Variants in KRT13 observed in about 807,000 individuals in gnomAD.
The protein encoded by KRT13 is keratin 13, also known as keratin, type I cytoskeletal 13.
KRT13 carries 27 observed loss-of-function variants against 40.6 expected under a neutral mutation model. That is an observed-to-expected ratio of 0.67 (90% CI 0.49 to 0.92). KRT13 has a LOEUF of 0.92. Among genes scored for constraint, KRT13 ranks in the 40% least tolerant of loss-of-function variants. The pLI, the probability that KRT13 is intolerant of heterozygous loss-of-function variation, is 0.00. For synonymous variants in KRT13, 266 were observed against 240.3 expected (o/e 1.11, Z -0.99); for missense variants, 605 against 611.5 (o/e 0.99, Z 0.11).
rs536098358 is a variant in KRT13 at position 41,503,388 on chromosome 17, G to A, written c.634C>T (p.Arg212Cys). 1.1e-5 allele frequency: 17 copies of A among 1,614,240 alleles called. No individual in the cohort carries two copies. The highest frequency in any genetic ancestry group is 3.3e-5 in the Admixed American group (2 of 60,038). The change falls in exon 3 of 8, where the codon CGC becomes TGC. Residue 212 changes from arginine to cysteine, a missense_variant. Transcript: ENST00000246635. ...AGAGTGAGCTCATCCAGCACCCGGCGCAGGCCGTTGATGTCGGCCTCCACG... is the reference window on the plus strand; with the variant it reads ...AGAGTGAGCTCATCCAGCACCCGGCACAGGCCGTTGATGTCGGCCTCCACG... ...QSVEADINGL[R>C]RVLDELTLSK...
intron 1 of KRT13, chr17:41,504,688 C>T (rs534339442): frequency 4.5e-4 from 105 of 234,368 alleles, no homozygotes; most frequent in Non-Finnish European, 8.0e-4. Context: ...TGAATGAACA[C>T]GTCTCTCTTT....
chr17:41,505,478 C>T lies in KRT13; in HGVS notation c.73G>A (p.Gly25Arg). ...GFGGGSCQLG[G>R]GRGVSTCSTR... ...GAACAGGTAGAGACACCACGGCCTC[C>T]TCCCAGCTGGCAAGAGCCACCCCCG... The change falls in exon 1 of 8, where the codon GGA becomes AGA. Residue 25 changes from glycine (G) to arginine (R), a missense_variant. By Grantham distance (125) the Gly-to-Arg change is moderately radical. Coordinates refer to ENST00000246635, the MANE Select transcript of KRT13 (RefSeq NM_153490.3). The T allele has an allele frequency of 6.2e-7, 1 of 1,614,236 alleles. No individual in the cohort carries two copies. Among genetic ancestry groups the T allele is most frequent in the Non-Finnish European group, 8.5e-7 (1 of 1,180,024 alleles).
At chr17:41,501,697 C>T in intron 7 of KRT13, 22 bp downstream of exon 7, 1 of 1,574,356 alleles carries the variant, frequency 6.4e-7, no homozygotes, top group African/African-American at 1.3e-5. Context: ...CCTCCCCCTA[C>T]ACCACGGGGC....
Position 41,503,753 on chromosome 17 carries a change from T to C in KRT13, c.496-28A>G, listed in dbSNP as rs73986307. 77,280 of 1,587,046 alleles carry C rather than the reference T, an allele frequency of 0.049. 2,280 individuals are homozygous for C. Among genetic ancestry groups the C allele is most frequent in the African/African-American group, 0.13 (9,745 of 74,644 alleles). ...ACAAAATGCAGAAGAAGGTAACCTC[T>C]AGGGCATGGGTGTCCAGTCTGTTGG... On this transcript the variant is annotated intron_variant, in intron 1 of 7. Transcript: ENST00000246635.
chr17:41,503,058 T>C lies in KRT13; in HGVS notation c.776A>G (p.Asn259Ser), dbSNP rs200839212. 9.9e-6 allele frequency: 16 copies of C among 1,614,238 alleles called. No homozygotes were observed. Among genetic ancestry groups the C allele is most frequent in the South Asian group, 4.4e-5 (4 of 91,086 alleles). ...EFSNQVVGQV[N>S]VEMDATPGID... ...GCCTGGGGTGGCATCCATCTCCACG[T>C]TGACCTGGCCGACCACCTGGTTGCT... Residue 259 changes from asparagine (N) to serine (S), a missense_variant, in exon 4 of 8, where the codon AAC (asparagine) becomes AGC (serine). By Grantham distance (46) the Asn-to-Ser change is conservative (BLOSUM62 1). Transcript: ENST00000246635.
intron 1 of KRT13, chr17:41,504,489 C>T (rs736932): frequency 0.13 from 20,829 of 157,590 alleles, 1,676 homozygotes; most frequent in East Asian, 0.21. Context: ...GGCTGAGACT[C>T]AGCCCAGGCT....
chr17:41,503,415 T>C lies in KRT13; in HGVS notation c.607A>G (p.Ser203Gly), dbSNP rs1455329209. 2 of 1,614,130 alleles carry C rather than the reference T, an allele frequency of 1.2e-6. No homozygotes were observed. The highest frequency in any genetic ancestry group is 2.2e-5 in the East Asian group (1 of 44,898). ...KYENELALRQ[S>G]VEADINGLRR... is the part of the protein sequence containing the mutation. ...AGGCCGTTGATGTCGGCCTCCACGC[T>C]CTGGCGCAGGGCCAGCTCATTCTCA... Residue 203 changes from serine (S) to glycine (G), a missense_variant, in exon 3 of 8, where the codon AGC (serine) becomes GGC (glycine). By Grantham distance (56) the Ser-to-Gly change is moderately conservative. Coordinates refer to ENST00000246635, the MANE Select transcript of KRT13 (RefSeq NM_153490.3).
At chr17:41,504,938 T>G in intron 1 of KRT13, 118 bp downstream of exon 1, 4 of 1,220,970 alleles carry the variant, frequency 3.3e-6, no homozygotes, top group Non-Finnish European at 4.6e-6. Flanking sequence ...CAGTAGGCTT[T>G]TCCCCTGCAA....
intron 6 of KRT13, chr17:41,502,172 T>C: frequency 2.0e-6 from 3 of 1,477,930 alleles, no homozygotes; most frequent in Non-Finnish European, 2.7e-6. Context: ...TGGTCTCTGT[T>C]CCCTCCAGTC....
At position 41,502,551 on chromosome 17, in the gene KRT13, T is replaced by C. The variant is rs780154003; in HGVS notation, c.1067A>G (p.Tyr356Cys). Residue 356 changes from tyrosine (Y) to cysteine (C), a missense_variant, in exon 6 of 8, where the codon TAT becomes TGT. Physicochemically the swap from Tyr to Cys is radical, Grantham distance 194. Coordinates refer to ENST00000246635, the MANE Select transcript of KRT13 (RefSeq NM_153490.3). ...ENTVAETECR[Y>C]ALQLQQIQGL... ...CTGGATCTGCTGCAGCTGCAGGGCA[T>C]AGCGGCACTCCGTCTCTGCCACCGT... 1.2e-5 allele frequency: 19 copies of C among 1,613,814 alleles called. No individual in the cohort carries two copies. Among genetic ancestry groups the C allele is most frequent in the African/African-American group, 5.3e-5 (4 of 74,950 alleles).
chr17:41,504,058 G>A (rs1904976110), intron 1 of KRT13: 1 of 375,970 alleles, frequency 2.7e-6, no homozygotes, highest in African/African-American at 2.1e-5. Flanking sequence ...TTCCCATGGG[G>A]CTCTACCTCT....
chr17:41,505,603 C>G lies in KRT13; in HGVS notation c.-53G>C, dbSNP rs375537074. The G allele has an allele frequency of 9.9e-6, 16 of 1,610,456 alleles. No homozygotes were observed. Among genetic ancestry groups the G allele is most frequent in the South Asian group, 3.3e-5 (3 of 90,994 alleles). On this transcript the variant is annotated 5_prime_UTR_variant, in exon 1 of 8. Transcript: ENST00000246635. ...AGATAGAAGCTTGCTTGGCCTGGGC[C>G]GAGGACTGTGGCTCTTCCCCAGAGT...
In KRT13 at chr17:41,500,990, A is replaced by G. The variant is rs1904825866; in HGVS notation, c.*266T>C. On this transcript the variant is annotated 3_prime_UTR_variant, in exon 8 of 8. Coordinates refer to ENST00000246635, the MANE Select transcript of KRT13 (RefSeq NM_153490.3). ...AGGCCAGAATCAAAAATATGTTTGCAGAAAGGCAGGAAACTTTATTGAATA... is the reference window on the plus strand; with the variant it reads ...AGGCCAGAATCAAAAATATGTTTGCGGAAAGGCAGGAAACTTTATTGAATA... 1 of 369,962 alleles carries G rather than the reference A, an allele frequency of 2.7e-6. No homozygotes were observed. The highest frequency in any genetic ancestry group is 2.2e-5 in the South Asian group (1 of 44,628). 22.9% of individuals were successfully genotyped at this position (369,962 alleles called of 1,614,324 possible).
At chr17:41,504,018 G>C (rs1904974358) in intron 1 of KRT13, 1 of 418,442 alleles carries the variant, frequency 2.4e-6, no homozygotes, top group African/African-American at 2.0e-5. Context: ...GCTTGAGGAG[G>C]TGGCCTGGGA....
At chr17:41,503,198 C>T in intron 3 of KRT13, 89 bp downstream of exon 3, 1 of 1,605,098 alleles carries the variant, frequency 6.2e-7, no homozygotes, top group Non-Finnish European at 8.5e-7. Context: ...CCAGGTCCCA[C>T]AGTGGAGGAC....
intron 6 of KRT13, 152 bp downstream of exon 6, chr17:41,502,222 C>A: frequency 1.3e-6 from 2 of 1,566,476 alleles, no homozygotes; most frequent in Non-Finnish European, 1.7e-6. Flanking sequence ...AAGGTGTTAA[C>A]CCTGCAGCCT....
intron 3 of KRT13, 47 bp downstream of exon 3, chr17:41,503,240 C>T (rs1904931547): frequency 6.2e-7 from 1 of 1,610,224 alleles, no homozygotes; most frequent in African/African-American, 1.3e-5. Flanking sequence ...GCTCCTCCTT[C>T]TCACTGGAGG....
rs766787967 is a variant in KRT13 at position 41,505,356 on chromosome 17, A to G, written c.195T>C (p.Tyr65=). 3.1e-6 allele frequency: 5 copies of G among 1,613,882 alleles called. No individual in the cohort carries two copies. Among genetic ancestry groups the G allele is most frequent in the South Asian group, 1.1e-5 (1 of 91,078 alleles). ...GGAGSGFGGG[Y]GGGLGGGYGG... Reference sequence around the variant, plus strand: ...CATAGCCACCTCCAAGGCCACCTCCATAGCCACCTCCAAAGCCACTACCAG... The same window carrying G: ...CATAGCCACCTCCAAGGCCACCTCCGTAGCCACCTCCAAAGCCACTACCAG... Residue 65 remains tyrosine, a synonymous_variant, in exon 1 of 8, where the codon TAT becomes TAC. Coordinates refer to ENST00000246635, the MANE Select transcript of KRT13 (RefSeq NM_153490.3).
rs368494222 is a variant in KRT13, at chr17:41,503,657, G to A, written c.564C>T (p.Asp188=). ...LEIDNARLAA[D]DFRLKYENEL... The stretch of plus-strand genomic sequence containing the variant: ...AAAAAACTCACTTGAGCCTGAAGTC[G>A]TCCGCAGCCAGCCTGGCATTGTCAA... The change falls in exon 2 of 8, where the codon GAC becomes GAT. Residue 188 remains aspartate (D), a synonymous_variant. Transcript: ENST00000246635. 290 of 1,613,556 alleles carry A rather than the reference G, an allele frequency of 1.8e-4. No homozygotes were observed. Among genetic ancestry groups the A allele is most frequent in the Non-Finnish European group, 2.2e-4 (265 of 1,179,706 alleles).
Sources: gnomAD v4.1 joint callset for allele counts on GRCh38, gnomAD v4.1.1 for gene constraint, MANE v1.5 for transcripts, NCBI Gene and HGNC (gene_info 2026-07-23, HGNC 2026-07-21) for gene names.